Variants in NFIL3 observed in about 807,000 individuals in gnomAD.
NFIL3 encodes the protein nuclear factor interleukin-3-regulated protein.
A neutral mutation model predicts 10.0 loss-of-function variants in NFIL3; 5 were observed. The ratio of observed to expected loss-of-function variants is 0.50; its 90% confidence interval spans 0.26 to 1.06. The LOEUF is 1.06. Ranked by LOEUF, NFIL3 falls within the 50% of genes least tolerant of loss-of-function variation. The pLI is 0.13. For synonymous variants in NFIL3, 202 were observed against 206.5 expected, an observed-to-expected ratio of 0.98 and a Z score of 0.19; for missense variants, 436 against 547.6, an observed-to-expected ratio of 0.80 and a Z score of 2.03.
At chr9:91,422,368 A>G (rs1833786284) in intron 1 of NFIL3, among the ~76,000 whole-genome samples, 1 of 152,192 alleles carries the variant, frequency 6.6e-6, no homozygotes, top group African/African-American at 2.4e-5. Context: ...AATTTAGAAG[A>G]ACGTGCGTTT....
At chr9:91,438,206 A>G in the NFIL3 span, among the ~76,000 whole-genome samples, 1 of 152,194 alleles carries the variant, frequency 6.6e-6, no homozygotes, top group African/African-American at 2.4e-5. Flanking sequence ...AGCCATCATA[A>G]TGGGTGTGAG....
chr9:91,471,575 C>T, the NFIL3 span, among the ~76,000 whole-genome samples: 56 of 150,614 alleles, frequency 3.7e-4, no homozygotes, highest in Admixed American at 6.0e-4. Context: ...AGGTTTGTTA[C>T]ATATGTATAC....
At chr9:91,417,799 C>T (rs1045638617) in intron 1 of NFIL3, among the ~76,000 whole-genome samples, 17 of 152,200 alleles carry the variant, frequency 1.1e-4, no homozygotes, top group East Asian at 7.7e-4. Flanking sequence ...ACAGGCAAGA[C>T]GCACACACAC....
chr9:91,452,787 C>CAA, the NFIL3 span, among the ~76,000 whole-genome samples: 797 of 59,558 alleles, frequency 0.013, 32 homozygotes, highest in African/African-American at 0.028. Flanking sequence ...AACTCTGTCT[C>CAA]AAAAAAAAAA....
the NFIL3 span, among the ~76,000 whole-genome samples, chr9:91,470,914 T>C: frequency 6.6e-6 from 1 of 152,312 alleles, no homozygotes; most frequent in African/African-American, 2.4e-5. Context: ...TTCTTTTACA[T>C]TTGCTGAGGA....
the NFIL3 span, among the ~76,000 whole-genome samples, chr9:91,451,288 AT>A: frequency 2.0e-5 from 3 of 152,152 alleles, no homozygotes; most frequent in Non-Finnish European, 2.9e-5. Flanking sequence ...CATATACAGA[AT>A]TTCTATTGAT....
chr9:91,446,305 A>G, the NFIL3 span, among the ~76,000 whole-genome samples: 8 of 152,174 alleles, frequency 5.3e-5, no homozygotes, highest in Non-Finnish European at 1.2e-4. Flanking sequence ...CTACGTAGCC[A>G]TACTGGATTT....
intron 1 of NFIL3, among the ~76,000 whole-genome samples, chr9:91,415,874 G>A (rs1833644670): frequency 6.6e-6 from 1 of 152,114 alleles, no homozygotes; most frequent in African/African-American, 2.4e-5. Context: ...TGATCCGCCT[G>A]CCACAGCCTC....
the NFIL3 span, among the ~76,000 whole-genome samples, chr9:91,469,635 T>C: frequency 6.6e-6 from 1 of 152,188 alleles, no homozygotes; most frequent in African/African-American, 2.4e-5. Context: ...GCTTCCAGTT[T>C]TTGCGCATTC....
At chr9:91,433,991 C>T in the NFIL3 span, among the ~76,000 whole-genome samples, 2 of 151,774 alleles carry the variant, frequency 1.3e-5, no homozygotes, top group African/African-American at 2.4e-5. Flanking sequence ...CTAACAGAAG[C>T]CAAACAAGTA....
chr9:91,421,400 G>C (rs939642838), intron 1 of NFIL3, among the ~76,000 whole-genome samples: 15 of 151,958 alleles, frequency 9.9e-5, no homozygotes, highest in Non-Finnish European at 1.8e-4. Context: ...GCGGCGCAGC[G>C]GGGCCTCGGC....
the NFIL3 span, among the ~76,000 whole-genome samples, chr9:91,454,517 T>C: frequency 6.6e-6 from 1 of 152,028 alleles, no homozygotes; most frequent in Non-Finnish European, 1.5e-5. Flanking sequence ...TACCCCAAAG[T>C]GATTGTCAAT....
rs548748764 is a variant in NFIL3, at chr9:91,416,764, A to G, written c.-172-5858T>C. ...GTCCATCACACTACTTCTCTAAGCA[A>G]GAATTATATAGCAAGAATTATATTT... On this transcript the variant is annotated intron_variant, in intron 1 of 1. Transcript: ENST00000297689. Among the ~76,000 whole-genome samples the G allele has an allele frequency of 3.9e-5, 6 of 152,352 alleles. No homozygotes were observed. In the South Asian group the frequency reaches 8.3e-4, roughly 21 times the overall value.
intron 1 of NFIL3, among the ~76,000 whole-genome samples, chr9:91,414,729 T>C (rs763002548): frequency 1.3e-5 from 2 of 152,246 alleles, no homozygotes; most frequent in Non-Finnish European, 2.9e-5. Flanking sequence ...TCAAATAATC[T>C]TGCAGTGTTG....
upstream of NFIL3, among the ~76,000 whole-genome samples, chr9:91,427,318 G>T (rs145364653): frequency 2.6e-5 from 4 of 152,246 alleles, no homozygotes; most frequent in Middle Eastern, 3.4e-3. Context: ...CTGGGAACAG[G>T]GGGTGGAGAC....
chr9:91,479,155 T>C, the NFIL3 span, among the ~76,000 whole-genome samples: 2 of 152,182 alleles, frequency 1.3e-5, no homozygotes, highest in African/African-American at 4.8e-5. Context: ...GTCTGTCCCT[T>C]AGCAGAGCTT....
At chr9:91,472,094 C>G in the NFIL3 span, among the ~76,000 whole-genome samples, 1 of 152,138 alleles carries the variant, frequency 6.6e-6, no homozygotes. Flanking sequence ...GATGGGCTTC[C>G]CTTTGTGGGT....
the NFIL3 span, among the ~76,000 whole-genome samples, chr9:91,454,693 G>A: frequency 6.6e-6 from 1 of 151,980 alleles, no homozygotes; most frequent in Non-Finnish European, 1.5e-5. Flanking sequence ...TTAGCAGCTT[G>A]TGGTGGCACG....
At chr9:91,479,542 T>G in the NFIL3 span, among the ~76,000 whole-genome samples, 3 of 151,760 alleles carry the variant, frequency 2.0e-5, no homozygotes, top group Admixed American at 1.3e-4. Context: ...GCTGTCCTGG[T>G]AGCGAGAATT....
Sources: allele counts gnomAD v4.1 joint callset (sites outside exome capture counted in the v4.1 genomes callset), GRCh38; gene constraint gnomAD v4.1.1; transcripts MANE v1.5; gene names NCBI Gene and HGNC (gene_info 2026-07-23, HGNC 2026-07-21).